The following DMD variants were observed in gnomAD, a reference collection of about 807,000 sequenced individuals.
DMD encodes the protein mutant dystrophin.
A neutral mutation model predicts 330.1 loss-of-function variants in DMD; 63 were observed. The observed-to-expected ratio is 0.19, with a 90% confidence interval of 0.16 to 0.24. The LOEUF is 0.24. DMD is among the 10% of genes least tolerant of loss of function. The pLI, the probability that DMD is intolerant of heterozygous loss-of-function variation, is 1.00. For missense variants in DMD, 3,344 were observed against 2,684.1 expected, an observed-to-expected ratio of 1.25 and a Z score of -5.43; for synonymous variants, 1,223 against 959.8, an observed-to-expected ratio of 1.27 and a Z score of -5.07.
intron 27 of DMD, among the ~76,000 whole-genome samples, chrX:32,443,419 A>C (rs899256669): frequency 1.8e-5 from 2 of 110,973 alleles, no homozygotes; most frequent in Non-Finnish European, 3.8e-5. Context: ...GAAATCTAAA[A>C]TCTGGGTCAT....
chrX:31,229,261 G>GA (rs914274148), intron 63 of DMD, among the ~76,000 whole-genome samples: 7 of 111,259 alleles, frequency 6.3e-5, no homozygotes, highest in African/African-American at 9.8e-5. Flanking sequence ...AGATATTACA[G>GA]AAAAAAAACA....
chrX:32,695,548 A>G (rs983570293), intron 9 of DMD, among the ~76,000 whole-genome samples: 1 of 111,737 alleles, frequency 8.9e-6, no homozygotes, highest in Non-Finnish European at 1.9e-5. Flanking sequence ...TCTGAATAAC[A>G]TTAAAAAATG....
chrX:31,460,938 G>A (rs745907101), intron 59 of DMD, among the ~76,000 whole-genome samples: 2 of 111,073 alleles, frequency 1.8e-5, no homozygotes, highest in Admixed American at 1.9e-4. Context: ...TTATGCTGTT[G>A]GTCATCTGAA....
At chrX:31,352,631 T>C (rs2058489297) in intron 60 of DMD, among the ~76,000 whole-genome samples, 1 of 112,009 alleles carries the variant, frequency 8.9e-6, no homozygotes, top group Non-Finnish European at 1.9e-5. Flanking sequence ...GATTTTAAAA[T>C]GAGATCAAAG....
intron 67 of DMD, among the ~76,000 whole-genome samples, chrX:31,193,105 G>A (rs1431976579): frequency 9.0e-6 from 1 of 111,271 alleles, no homozygotes; most frequent in Non-Finnish European, 1.9e-5. Flanking sequence ...TACCTGGACT[G>A]ACAGGTGCGG....
At chrX:32,177,359 C>G (rs1806099954) in intron 44 of DMD, among the ~76,000 whole-genome samples, 1 of 111,872 alleles carries the variant, frequency 8.9e-6, no homozygotes, top group African/African-American at 3.2e-5. Context: ...CCTCCAGGTT[C>G]TAGCCCCATC....
At chrX:32,760,647 G>A (rs1311508795) in intron 7 of DMD, among the ~76,000 whole-genome samples, 1 of 111,864 alleles carries the variant, frequency 8.9e-6, no homozygotes, top group Non-Finnish European at 1.9e-5. Flanking sequence ...GTTGCAGGAG[G>A]GAAGAACAGA....
intron 2 of DMD, among the ~76,000 whole-genome samples, chrX:32,932,608 A>G (rs1368172472): frequency 8.9e-6 from 1 of 112,112 alleles, no homozygotes; most frequent in Non-Finnish European, 1.9e-5. Context: ...AGTCGTGGGT[A>G]CATATTGAGA....
chrX:32,524,214 G>A (rs762421782), intron 17 of DMD, among the ~76,000 whole-genome samples: 142 of 111,838 alleles, frequency 1.3e-3, no homozygotes, highest in African/African-American at 3.9e-3. Context: ...GATTACAGGC[G>A]TGAGCCACCG....
chrX:32,863,500 A>C (rs1353161820), intron 2 of DMD, among the ~76,000 whole-genome samples: 9 of 81,003 alleles, frequency 1.1e-4, no homozygotes, highest in Non-Finnish European at 2.0e-4. Context: ...GCAGAGTGAG[A>C]CTCCGTCTCA....
intron 7 of DMD, among the ~76,000 whole-genome samples, chrX:32,775,324 C>T (rs917170119): frequency 8.9e-6 from 1 of 112,425 alleles, no homozygotes; most frequent in South Asian, 3.7e-4. Flanking sequence ...AGGCAGTGCC[C>T]CAGTGAGGAC....
chrX:32,801,852 T>G (rs747151577), intron 7 of DMD, among the ~76,000 whole-genome samples: 2 of 111,480 alleles, frequency 1.8e-5, no homozygotes, highest in African/African-American at 6.5e-5. Context: ...GCCTCTGTTC[T>G]GTTCCATTCG....
intron 13 of DMD, among the ~76,000 whole-genome samples, chrX:32,580,011 CTTTTTT>C (rs57730410): frequency 1.1e-5 from 1 of 91,147 alleles, no homozygotes; most frequent in African/African-American, 4.1e-5. Context: ...TATTTAATGT[CTTTTTT>C]TTTTTTTTTT....
intron 61 of DMD, among the ~76,000 whole-genome samples, chrX:31,343,120 C>T (rs544780946): frequency 2.7e-5 from 3 of 111,915 alleles, no homozygotes; most frequent in African/African-American, 9.7e-5. Context: ...TTTCAGACTA[C>T]TATGCCAACC....
At chrX:32,184,651 C>A (rs997328223) in intron 44 of DMD, among the ~76,000 whole-genome samples, 1 of 110,986 alleles carries the variant, frequency 9.0e-6, no homozygotes, top group Non-Finnish European at 1.9e-5. Flanking sequence ...TTAGCAACCA[C>A]TCTTCTTGCA....
chrX:31,715,426 C>G (rs2084966927), intron 52 of DMD, among the ~76,000 whole-genome samples: 2 of 103,960 alleles, frequency 1.9e-5, no homozygotes, highest in African/African-American at 7.0e-5. Context: ...GCCTGTAGTC[C>G]CAGCTACACG....
At chrX:32,517,304 G>C (rs1254338902) in intron 18 of DMD, 3 of 111,880 alleles carry the variant, frequency 2.7e-5, no homozygotes, top group Non-Finnish European at 5.7e-5. Flanking sequence ...CATATACAAA[G>C]ATGCATGTTT....
chrX:32,184,004 C>T (rs895139206), intron 44 of DMD, among the ~76,000 whole-genome samples: 6 of 110,070 alleles, frequency 5.5e-5, no homozygotes, highest in Admixed American at 2.0e-4. Flanking sequence ...ATTTAAAATC[C>T]GCATTCGAAA....
intron 33 of DMD, among the ~76,000 whole-genome samples, chrX:32,385,272 T>A: frequency 9.1e-6 from 1 of 110,477 alleles, no homozygotes; most frequent in East Asian, 2.8e-4. Context: ...GATCAACTGA[T>A]CAACCAAGGG....
Sources: gnomAD v4.1 joint callset for allele counts (sites outside exome capture counted in the v4.1 genomes callset) on GRCh38, gnomAD v4.1.1 for gene constraint, MANE v1.5 for transcripts, NCBI Gene and HGNC (gene_info 2026-07-23, HGNC 2026-07-21) for gene names.